The following SRP54 variants were observed in gnomAD, a reference collection of about 807,000 sequenced individuals.
SRP54 encodes the protein signal recognition particle 54.
Under a neutral mutation model 64.8 loss-of-function variants are expected in SRP54, and 10 were observed. The observed-to-expected ratio is 0.15, with a 90% confidence interval of 0.10 to 0.26. The LOEUF (loss-of-function observed/expected upper bound fraction) is 0.26. Ranked by LOEUF, SRP54 falls within the 10% of genes least tolerant of loss-of-function variation. SRP54 has a pLI of 1.00. For missense variants in SRP54, 325 were observed against 613.7 expected, an observed-to-expected ratio of 0.53 and a Z score of 4.97; for synonymous variants, 193 against 185.6, an observed-to-expected ratio of 1.04 and a Z score of -0.32.
At position 34,998,998 on chromosome 14, in the gene SRP54, TGTGTGTGTGTGTGTGG is replaced by T. The variant is rs1171843354; in HGVS notation, c.79-559_79-544del. ...ATGTGTGTGTGTGTGTGTGTGTGTG[TGTGTGTGTGTGTGTGG>T]TTTTTTTTTTTTTTTTTTGAGACAA... On this transcript the variant is annotated intron_variant, in intron 2 of 15. Transcript: ENST00000216774. Among the ~76,000 whole-genome samples the T allele has an allele frequency of 7.6e-3, 686 of 89,934 alleles. 11 individuals are homozygous for T. The highest frequency in any genetic ancestry group is 0.012 in the Non-Finnish European group (484 of 41,112). 59.0% of individuals were successfully genotyped at this position (89,934 alleles called of 152,430 possible). A position where few individuals can be genotyped will look rare whatever the true frequency, so the allele number is the denominator to read the frequency against.
intron 1 of SRP54, among the ~76,000 whole-genome samples, chr14:34,988,599 T>TATATATATAAAATATATATATATAAC (rs1555352784): frequency 9.7e-6 from 1 of 103,528 alleles, no homozygotes; most frequent in Admixed American, 1.1e-4. Context: ...ATATATAACA[T>TATATATATAAAATATATATATATAAC]ATATATATAT....
chr14:35,022,454 T>G (rs1400501999), intron 13 of SRP54, among the ~76,000 whole-genome samples: 1 of 152,098 alleles, frequency 6.6e-6, no homozygotes, highest in Admixed American at 6.6e-5. Context: ...CCTCCCAGGT[T>G]CAAGCGATTC....
In SRP54 at chr14:35,029,241, AGT is replaced by A. The variant is rs2044685325; in HGVS notation, c.*92_*93del. The A allele has an allele frequency of 5.2e-6, 5 of 953,494 alleles. No individual in the cohort carries two copies. Among genetic ancestry groups the A allele is most frequent in the Middle Eastern group, 2.3e-4 (1 of 4,320 alleles). The allele number at this position is 953,494 out of a possible 1,614,324, so 59.1% of individuals were successfully genotyped here. ...CCTTCTTTTTGCGAATTGGGGGGAA[AGT>A]GTATTTTTCTTGCTTATCATGCACT... On this transcript the variant is annotated 3_prime_UTR_variant, in exon 16 of 16. Coordinates refer to ENST00000216774, the MANE Select transcript of SRP54 (RefSeq NM_003136.4).
chr14:35,024,810 T>TC (rs1418158747), intron 14 of SRP54, among the ~76,000 whole-genome samples: 1 of 152,084 alleles, frequency 6.6e-6, no homozygotes, highest in Non-Finnish European at 1.5e-5. Context: ...CACTGCAACC[T>TC]CCGCCTCCTG....
At chr14:35,001,109 G>T (rs2044163340) in intron 4 of SRP54, 89 bp downstream of exon 4, 36 of 380,666 alleles carry the variant, frequency 9.5e-5, no homozygotes, top group East Asian at 2.6e-4. Context: ...TTTTAAATAT[G>T]TTTTTTATGG....
intron 14 of SRP54, among the ~76,000 whole-genome samples, chr14:35,025,766 C>T (rs2139028935): frequency 6.6e-6 from 1 of 152,304 alleles, no homozygotes; most frequent in South Asian, 2.1e-4. Context: ...ATAATCTTCT[C>T]TTTCATTCAT....
chr14:35,006,419 T>C (rs1254476981), intron 4 of SRP54, among the ~76,000 whole-genome samples: 2 of 152,202 alleles, frequency 1.3e-5, no homozygotes, highest in Non-Finnish European at 2.9e-5. Flanking sequence ...ATTTGTAATG[T>C]GGCTAGTCCA....
intron 4 of SRP54, among the ~76,000 whole-genome samples, chr14:35,003,859 G>A (rs1370198924): frequency 2.6e-5 from 4 of 151,848 alleles, no homozygotes; most frequent in East Asian, 1.9e-4. Context: ...GCTTGAATCC[G>A]GGAGGTGGAG....
chr14:35,021,883 G>A (rs1262173068), intron 13 of SRP54, among the ~76,000 whole-genome samples: 2 of 152,114 alleles, frequency 1.3e-5, no homozygotes, highest in African/African-American at 4.8e-5. Context: ...CAGACATAAT[G>A]GACATTTTGA....
intron 1 of SRP54, among the ~76,000 whole-genome samples, chr14:34,984,358 C>G (rs897078990): frequency 6.6e-6 from 1 of 152,164 alleles, no homozygotes; most frequent in Non-Finnish European, 1.5e-5. Flanking sequence ...TATTTTCAGT[C>G]TTGGTTAACG....
At chr14:34,987,300 CACAT>C (rs1798246928) in intron 1 of SRP54, among the ~76,000 whole-genome samples, 10 of 117,438 alleles carry the variant, frequency 8.5e-5, no homozygotes, top group Admixed American at 8.2e-4. Flanking sequence ...CACACACACA[CACAT>C]AATTCTTAGT....
chr14:35,018,188 T>C (rs138926087), intron 11 of SRP54, among the ~76,000 whole-genome samples: 4 of 152,348 alleles, frequency 2.6e-5, no homozygotes, highest in African/African-American at 9.6e-5. Context: ...ATTCATGTAG[T>C]TGTACTTATC....
chr14:35,004,290 A>G (rs774050839), intron 4 of SRP54, among the ~76,000 whole-genome samples: 1 of 152,176 alleles, frequency 6.6e-6, no homozygotes, highest in Non-Finnish European at 1.5e-5. Flanking sequence ...ATCTGTCTCT[A>G]TCATGAGTTT....
chr14:35,012,907 G>A (rs2044377325), intron 8 of SRP54, among the ~76,000 whole-genome samples: 1 of 150,708 alleles, frequency 6.6e-6, no homozygotes, highest in African/African-American at 2.4e-5. Flanking sequence ...AAATATTTAT[G>A]GATTGAATAA....
In SRP54 at chr14:35,000,930, A is replaced by G. The variant is rs2044160493; in HGVS notation, c.171-6A>G. 1.3e-6 allele frequency: 2 copies of G among 1,553,170 alleles called. No individual in the cohort carries two copies. The highest frequency in any genetic ancestry group is 2.3e-5 in the East Asian group (1 of 43,112). On this transcript the variant is annotated splice_polypyrimidine_tract_variant and splice_region_variant and intron_variant, in intron 3 of 15. Transcript: ENST00000216774. ...CCCACCCCAATCACCAACCACCATC[A>G]TAAAGGTCTGCTATTGATCTTGAAG...
chr14:35,002,737 CTTTTTTT>C (rs71121258), intron 4 of SRP54, among the ~76,000 whole-genome samples: 9 of 95,010 alleles, frequency 9.5e-5, no homozygotes, highest in African/African-American at 3.5e-4. Context: ...GCCTGGCCTC[CTTTTTTT>C]TTTTTTTTTT....
intron 7 of SRP54, among the ~76,000 whole-genome samples, chr14:35,009,761 C>G (rs1158586020): frequency 6.6e-6 from 1 of 152,124 alleles, no homozygotes; most frequent in Non-Finnish European, 1.5e-5. Flanking sequence ...TGCACAGTGG[C>G]TCATATCTGT....
In SRP54 at chr14:34,999,538, A is replaced by T. The variant is rs764876794; in HGVS notation, c.79-20A>T. ...TGAAACATTGGGTGCTTTAAATTTC[A>T]TTTATTTCTTTATTTTCAGGTATTG... is the stretch of plus-strand genomic sequence containing the variant. On this transcript the variant is annotated intron_variant, in intron 2 of 15. Coordinates refer to ENST00000216774, the MANE Select transcript of SRP54 (RefSeq NM_003136.4). 1.3e-6 allele frequency: 2 copies of T among 1,582,816 alleles called. No individual in the cohort carries two copies. The highest frequency in any genetic ancestry group is 1.7e-5 in the Admixed American group (1 of 57,700).
chr14:35,026,303 C>G (rs1459903735), intron 14 of SRP54, among the ~76,000 whole-genome samples: 1 of 152,012 alleles, frequency 6.6e-6, no homozygotes, highest in Non-Finnish European at 1.5e-5. Context: ...TCATGGCTCA[C>G]TGCAGCCTTG....
Sources: allele counts gnomAD v4.1 joint callset (sites outside exome capture counted in the v4.1 genomes callset), GRCh38; gene constraint gnomAD v4.1.1; transcripts MANE v1.5; gene names NCBI Gene and HGNC (gene_info 2026-07-23, HGNC 2026-07-21).